Variants in SYNE2 observed in about 807,000 individuals in gnomAD.
SYNE2 encodes the protein nesprin-2.
Under a neutral mutation model 856.3 loss-of-function variants are expected in SYNE2, and 431 were observed. The observed-to-expected ratio is 0.50, with a 90% CI of 0.47 to 0.55. The LOEUF (loss-of-function observed/expected upper bound fraction) is 0.55. SYNE2 is among the 20% of genes least tolerant of loss of function. The probability of loss-of-function intolerance (pLI) is 0.00; values close to 1 mark genes in which losing one functional copy is unlikely to be tolerated. For synonymous variants in SYNE2, 2,923 were observed against 2,872.3 expected, an observed-to-expected ratio of 1.02 and a Z score of -0.56; for missense variants, 8,129 against 8,023.2, an observed-to-expected ratio of 1.01 and a Z score of -0.50.
chr14:64,053,250 G>T lies in SYNE2; in HGVS notation c.9337G>T (p.Asp3113Tyr). 6.2e-7 allele frequency: 1 copy of T among 1,611,304 alleles called. No homozygotes were observed. Among genetic ancestry groups the T allele is most frequent in the South Asian group, 1.1e-5 (1 of 89,888 alleles). Residue 3113 changes from aspartate to tyrosine, a missense_variant, in exon 48 of 116, where the codon GAC (aspartate) becomes TAC (tyrosine). Asp to Tyr is a radical substitution (Grantham distance 160). This residue lies in a region of SYNE2 where 5,410 missense variants were observed against 5,284.8 expected (regional missense o/e 1.02). Coordinates refer to ENST00000555002, the MANE Select transcript of SYNE2 (RefSeq NM_182914.3). Reference sequence around the variant, plus strand: ...ATTAAATGAAAATAAGACCTTTGATGACTCATTCAAGGAGAAAGAAATACT... The same window carrying T: ...ATTAAATGAAAATAAGACCTTTGATTACTCATTCAAGGAGAAAGAAATACT... ...KKLNENKTFD[D>Y]SFKEKEILQI...
At chr14:63,918,676 G>A (rs1053640367) in intron 2 of SYNE2, among the ~76,000 whole-genome samples, 3 of 152,192 alleles carry the variant, frequency 2.0e-5, no homozygotes, top group Non-Finnish European at 2.9e-5. Context: ...CTGTCTTGTC[G>A]GGTGGAGCAG....
intron 1 of SYNE2, among the ~76,000 whole-genome samples, chr14:63,830,005 A>G (rs1442422185): frequency 6.6e-6 from 1 of 152,220 alleles, no homozygotes; most frequent in Non-Finnish European, 1.5e-5. Flanking sequence ...AAATATAATA[A>G]GTGGCATATA....
chr14:64,210,410 C>G (rs920601149), intron 103 of SYNE2, among the ~76,000 whole-genome samples: 1 of 152,204 alleles, frequency 6.6e-6, no homozygotes, highest in South Asian at 2.1e-4. Flanking sequence ...TGCATGTTAG[C>G]TCAGAGTCCA....
At chr14:63,948,782 GTATATA>G (rs3062027) in intron 6 of SYNE2, among the ~76,000 whole-genome samples, 1,279 of 43,848 alleles carry the variant, frequency 0.029, 40 homozygotes, top group East Asian at 0.1. Flanking sequence ...ATGTGTGTGT[GTATATA>G]TATATATATA....
intron 37 of SYNE2, 61 bp downstream of exon 37, chr14:64,022,089 T>A: frequency 6.6e-7 from 1 of 1,509,266 alleles, no homozygotes; most frequent in Non-Finnish European, 9.2e-7. Context: ...TGTAGTACTG[T>A]GAACACAAAA....
At chr14:64,119,360 C>A in intron 66 of SYNE2, 67 bp from the exon 67 acceptor site, 2 of 1,589,364 alleles carry the variant, frequency 1.3e-6, no homozygotes, top group Non-Finnish European at 8.6e-7. Flanking sequence ...TAAGTCTTAA[C>A]TTGTTTGCAG....
At chr14:63,983,914 A>T (rs757501002) in intron 18 of SYNE2, 28 bp downstream of exon 18, 1 of 1,410,612 alleles carries the variant, frequency 7.1e-7, no homozygotes, top group South Asian at 1.2e-5. Flanking sequence ...TGTATATTTC[A>T]CTTGCAAATA....
chr14:64,210,204 C>A, intron 103 of SYNE2, 80 bp downstream of exon 103: 1 of 1,510,542 alleles, frequency 6.6e-7, no homozygotes. Context: ...GCTTGTGGCA[C>A]AAAGCAGCAG....
chr14:64,218,178 C>T (rs2098675946), intron 108 of SYNE2: 1 of 514,708 alleles, frequency 1.9e-6, no homozygotes, highest in Non-Finnish European at 3.5e-6. Context: ...TCATCTGCTT[C>T]CCTCTCCCTG....
chr14:64,037,471 C>T (rs568575028), intron 45 of SYNE2, among the ~76,000 whole-genome samples: 1 of 152,284 alleles, frequency 6.6e-6, no homozygotes, highest in East Asian at 1.9e-4. Flanking sequence ...TCTACAGGAT[C>T]CCAAGGCAAA....
At position 64,027,667 on chromosome 14, in the gene SYNE2, A is replaced by G. The variant is rs367788980; in HGVS notation, c.6588A>G (p.Thr2196=). The change falls in exon 43 of 116, where the codon ACA becomes ACG. Residue 2196 remains threonine, a synonymous_variant. Transcript: ENST00000555002. ...KKFLKKAQDL[T]SLLKELKSQG... ...TCCTCAAGAAAGCCCAAGATTTGAC[A>G]TCCTTGCTAAAGGAGTTAAAATCTC... is the stretch of plus-strand genomic sequence containing the variant. 5.6e-5 allele frequency: 90 copies of G among 1,614,054 alleles called. No homozygotes were observed. The highest frequency in any genetic ancestry group is 4.9e-4 in the Middle Eastern group (3 of 6,082).
chr14:64,021,935 C>A lies in SYNE2; in HGVS notation c.5431C>A (p.Leu1811Ile). Residue 1811 changes from leucine to isoleucine, a missense_variant, in exon 37 of 116, where the codon CTC becomes ATC. Physicochemically the swap from Leu to Ile is conservative, Grantham distance 5. Around this residue, in one of 3 missense-constraint regions of SYNE2, gnomAD observed 2,422 missense variants for 2,357.4 expected, o/e 1.03. Coordinates refer to ENST00000555002, the MANE Select transcript of SYNE2 (RefSeq NM_182914.3). ...TCAAATAGGTTGTCTGACTCCTGAA[C>A]TCTCTGAATTGAAAAAGCAATATGA... ...ENQIGCLTPE[L>I]SELKKQYESV... The A allele has an allele frequency of 1.2e-6, 2 of 1,613,922 alleles. No homozygotes were observed. The highest frequency in any genetic ancestry group is 2.2e-5 in the East Asian group (1 of 44,804).
At chr14:64,175,511 A>G (rs762233101) in intron 95 of SYNE2, among the ~76,000 whole-genome samples, 25 of 152,208 alleles carry the variant, frequency 1.6e-4, no homozygotes, top group Non-Finnish European at 3.2e-4. Context: ...ATAATGTATG[A>G]TTATACCTTT....
upstream of SYNE2, among the ~76,000 whole-genome samples, chr14:63,850,137 A>G (rs1472092284): frequency 2.7e-5 from 4 of 148,986 alleles, no homozygotes; most frequent in African/African-American, 1.0e-4. Flanking sequence ...GCTGGAGTGC[A>G]ACGGCATGAT....
At chr14:64,108,469 A>G (rs778924294) in intron 65 of SYNE2, among the ~76,000 whole-genome samples, 4 of 152,258 alleles carry the variant, frequency 2.6e-5, no homozygotes, top group Non-Finnish European at 4.4e-5. Flanking sequence ...GTTGTTCTCA[A>G]TAAGGCCTTA....
chr14:64,152,194 T>G (rs1232068522), intron 84 of SYNE2, among the ~76,000 whole-genome samples: 1 of 152,218 alleles, frequency 6.6e-6, no homozygotes, highest in Admixed American at 6.5e-5. Flanking sequence ...AGTTCTTAGC[T>G]TGGCACACAT....
Position 64,087,607 on chromosome 14 carries a change from AT to A in SYNE2, c.11485-62del. 3.3e-6 allele frequency: 5 copies of A among 1,522,622 alleles called. No individual in the cohort carries two copies. In the East Asian group the frequency reaches 9.0e-5, roughly 27 times the overall value. The allele number at this position is 1,522,622 out of a possible 1,614,324, so 94.3% of individuals were successfully genotyped here. A position where few individuals can be genotyped will look rare whatever the true frequency, so the allele number is the denominator to read the frequency against. On this transcript the variant is annotated intron_variant, in intron 57 of 115. Transcript: ENST00000555002. ...ACTTTCAATTTTCTCTGATTTAAAT[AT>A]TAATCAGCTTATATCAGGATCTTGA...
intron 48 of SYNE2, among the ~76,000 whole-genome samples, chr14:64,054,936 T>G (rs1311932198): frequency 1.3e-5 from 2 of 152,358 alleles, no homozygotes; most frequent in East Asian, 3.9e-4. Flanking sequence ...CTATATTCCT[T>G]AAATAGTTTT....
rs766798501 is a variant in SYNE2 at position 64,150,321 on chromosome 14, A to AAAAAAAAAAG, written c.15640-2243_15640-2242insAAAAAAAAAG. Among the ~76,000 whole-genome samples, 251 of 119,456 alleles carry AAAAAAAAAAG rather than the reference A, an allele frequency of 2.1e-3. 19 individuals are homozygous for AAAAAAAAAAG. Among genetic ancestry groups the AAAAAAAAAAG allele is most frequent in the South Asian group, 3.4e-3 (12 of 3,576 alleles). The allele number at this position is 119,456 out of a possible 152,430, so 78.4% of individuals were successfully genotyped here. A position where few individuals can be genotyped will look rare whatever the true frequency, so the allele number is the denominator to read the frequency against. On this transcript the variant is annotated intron_variant, in intron 84 of 115. Coordinates refer to ENST00000555002, the MANE Select transcript of SYNE2 (RefSeq NM_182914.3). ...AAAAAAAAAAAAAAAAAAAAAAAAAAGGATCCTCCCGCCTCAGCCTCTCAA... is the reference window on the plus strand; with the variant it reads ...AAAAAAAAAAAAAAAAAAAAAAAAAAAAAAAAAAAGGGATCCTCCCGCCTCAGCCTCTCAA...
Sources: allele counts gnomAD v4.1 joint callset (sites outside exome capture counted in the v4.1 genomes callset), GRCh38; gene constraint gnomAD v4.1.1; regional missense constraint gnomAD v4.1.1; transcripts MANE v1.5; gene names NCBI Gene and HGNC (gene_info 2026-07-23, HGNC 2026-07-21).